WWOX: variants seen among roughly 807,000 people sequenced by gnomAD.
The protein encoded by WWOX is WW domain containing oxidoreductase, also known as WW domain-containing oxidoreductase.
WWOX carries 69 observed loss-of-function variants against 46.2 expected under a neutral mutation model. The observed-to-expected ratio is 1.49, with a 90% confidence interval of 1.23 to 1.82. The LOEUF (loss-of-function observed/expected upper bound fraction) is 1.82, where lower values mean the gene tolerates loss of function less well. Ranked by LOEUF, WWOX falls within the 40% of genes most tolerant of loss-of-function variation. The pLI is 0.00. For synonymous variants in WWOX, 359 were observed against 202.6 expected, an observed-to-expected ratio of 1.77 and a Z score of -6.56; for missense variants, 919 against 542.6, an observed-to-expected ratio of 1.69 and a Z score of -6.89.
intron 8 of WWOX, among the ~76,000 whole-genome samples, chr16:78,961,667 G>C (rs370421703): frequency 2.0e-5 from 3 of 152,124 alleles, no homozygotes; most frequent in Admixed American, 2.0e-4. Context: ...ACGTGCAAGA[G>C]AATCCCCAAG....
Position 79,094,323 on chromosome 16 carries a change from G to T in WWOX, c.1057-117285G>T, listed in dbSNP as rs1024670309. ...GGCTGGAGTGCAATGGCACGATCTC[G>T]GCTCGCTGCAAACTCCAACTGGTTC... On this transcript the variant is annotated intron_variant, in intron 8 of 8. Transcript: ENST00000566780. 8.7e-5 allele frequency among the ~76,000 whole-genome samples: 13 copies of T among 149,900 alleles called. 1 individual carries two copies. Among genetic ancestry groups the T allele is most frequent in the Non-Finnish European group, 1.9e-4 (13 of 67,804 alleles).
chr16:79,023,276 T>C (rs1284509498), intron 8 of WWOX, among the ~76,000 whole-genome samples: 1 of 152,244 alleles, frequency 6.6e-6, no homozygotes, highest in Non-Finnish European at 1.5e-5. Flanking sequence ...TTTGCATTTA[T>C]GCATTGCATG....
chr16:78,453,768 C>T (rs369180477), intron 8 of WWOX, among the ~76,000 whole-genome samples: 3 of 152,078 alleles, frequency 2.0e-5, no homozygotes, highest in African/African-American at 7.2e-5. Context: ...TACTTAGATC[C>T]AGTTTTTAAA....
intron 8 of WWOX, among the ~76,000 whole-genome samples, chr16:78,730,920 G>C (rs1275741077): frequency 2.6e-5 from 4 of 151,994 alleles, no homozygotes; most frequent in Admixed American, 2.6e-4. Flanking sequence ...TAAAAATTCA[G>C]ATCACTTTGT....
At chr16:78,816,687 T>C (rs540618675) in intron 8 of WWOX, among the ~76,000 whole-genome samples, 481 of 151,818 alleles carry the variant, frequency 3.2e-3, no homozygotes, top group Non-Finnish European at 5.5e-3. Flanking sequence ...CAGGACACTT[T>C]TATGTCACTT....
chr16:78,555,683 T>C (rs1307890361), intron 8 of WWOX, among the ~76,000 whole-genome samples: 1 of 151,850 alleles, frequency 6.6e-6, no homozygotes, highest in Non-Finnish European at 1.5e-5. Flanking sequence ...AGGGACAATG[T>C]TCACCCTTTG....
At chr16:78,932,250 A>T (rs1302127266) in intron 8 of WWOX, among the ~76,000 whole-genome samples, 6 of 152,186 alleles carry the variant, frequency 3.9e-5, no homozygotes, top group Non-Finnish European at 7.3e-5. Context: ...CCAATTCTTC[A>T]GAAGGGATGA....
intron 8 of WWOX, among the ~76,000 whole-genome samples, chr16:78,984,783 C>G (rs1217942252): frequency 6.6e-6 from 1 of 152,146 alleles, no homozygotes; most frequent in Non-Finnish European, 1.5e-5. Context: ...TCTGTGGTGT[C>G]TGTGGATCGA....
intron 4 of WWOX, among the ~76,000 whole-genome samples, chr16:78,161,995 G>A (rs1306701496): frequency 6.6e-6 from 1 of 151,998 alleles, no homozygotes; most frequent in Non-Finnish European, 1.5e-5. Context: ...TTACCATTTG[G>A]ATCTTAACAT....
intron 8 of WWOX, among the ~76,000 whole-genome samples, chr16:78,674,474 G>A (rs1567481141): frequency 6.6e-6 from 1 of 151,832 alleles, no homozygotes; most frequent in Admixed American, 6.6e-5. Context: ...TAGTAGAGAT[G>A]GGGTTTCACC....
intron 8 of WWOX, among the ~76,000 whole-genome samples, chr16:79,096,858 G>A (rs1381018862): frequency 1.3e-5 from 2 of 152,186 alleles, no homozygotes; most frequent in Middle Eastern, 3.4e-3. Context: ...GCTTGAAGCC[G>A]AGGTTTGTGC....
intron 8 of WWOX, among the ~76,000 whole-genome samples, chr16:78,924,855 T>G (rs1211242559): frequency 6.6e-6 from 1 of 152,198 alleles, no homozygotes; most frequent in Admixed American, 6.5e-5. Flanking sequence ...ATATATCCTT[T>G]ATTAGGCTCT....
chr16:78,606,710 G>C (rs1009849296), intron 8 of WWOX, among the ~76,000 whole-genome samples: 1 of 138,230 alleles, frequency 7.2e-6, no homozygotes, highest in Non-Finnish European at 1.5e-5. Flanking sequence ...CATTTCCCCA[G>C]AATTGCAGTT....
At chr16:78,890,357 C>T (rs2044563018) in intron 8 of WWOX, 3 of 152,118 alleles carry the variant, frequency 2.0e-5, no homozygotes, top group Admixed American at 6.5e-5. Flanking sequence ...TTAAATTTGA[C>T]CTCCATCATT....
intron 8 of WWOX, among the ~76,000 whole-genome samples, chr16:79,092,032 C>G (rs1410063005): frequency 6.6e-6 from 1 of 152,058 alleles, no homozygotes; most frequent in East Asian, 1.9e-4. Context: ...TTTCTCGCCT[C>G]GGCCTCCCAA....
intron 8 of WWOX, among the ~76,000 whole-genome samples, chr16:78,462,461 C>A (rs1206244271): frequency 6.6e-6 from 1 of 152,182 alleles, no homozygotes; most frequent in Non-Finnish European, 1.5e-5. Flanking sequence ...ACTGCACTCA[C>A]ACTGCTATTA....
At chr16:78,635,985 C>T (rs1054855947) in intron 8 of WWOX, among the ~76,000 whole-genome samples, 4 of 152,132 alleles carry the variant, frequency 2.6e-5, no homozygotes, top group African/African-American at 9.7e-5. Context: ...ACGGTTAATA[C>T]AATTCCGTAA....
At chr16:79,179,971 A>G (rs1024802521) in intron 8 of WWOX, among the ~76,000 whole-genome samples, 1 of 152,212 alleles carries the variant, frequency 6.6e-6, no homozygotes, top group Non-Finnish European at 1.5e-5. Context: ...ACTTAAGTCC[A>G]TGTTACTGGA....
chr16:78,862,010 T>C (rs1465725727), intron 8 of WWOX, among the ~76,000 whole-genome samples: 2 of 152,150 alleles, frequency 1.3e-5, no homozygotes, highest in Admixed American at 1.3e-4. Flanking sequence ...TGTGTGTGTA[T>C]CTATGTATAG....
Sources: gnomAD v4.1 joint callset for allele counts (sites outside exome capture counted in the v4.1 genomes callset) on GRCh38, gnomAD v4.1.1 for gene constraint, MANE v1.5 for transcripts, NCBI Gene and HGNC (gene_info 2026-07-23, HGNC 2026-07-21) for gene names.